Variants in FRMD5 observed in about 807,000 individuals in gnomAD.
FRMD5 encodes FERM domain-containing protein 5.
Under a neutral mutation model 69.0 loss-of-function variants are expected in FRMD5, and 20 were observed. The ratio of observed to expected loss-of-function variants is 0.29; its 90% CI spans 0.20 to 0.42. The LOEUF (loss-of-function observed/expected upper bound fraction) is 0.42, where lower values mean the gene tolerates loss of function less well. FRMD5 is among the 10% of genes least tolerant of loss of function. The pLI is 1.00. For synonymous variants in FRMD5, 271 were observed against 260.1 expected, an observed-to-expected ratio of 1.04 and a Z score of -0.40; for missense variants, 595 against 708.6, an observed-to-expected ratio of 0.84 and a Z score of 1.82.
chr15:44,089,926 T>A (rs1005013014), intron 1 of FRMD5, among the ~76,000 whole-genome samples: 3 of 152,094 alleles, frequency 2.0e-5, no homozygotes, highest in Non-Finnish European at 2.9e-5. Context: ...TGAAACTTTG[T>A]CTTCCACCTC....
At chr15:43,882,973 T>A (rs1392015161) in intron 13 of FRMD5, among the ~76,000 whole-genome samples, 1 of 150,862 alleles carries the variant, frequency 6.6e-6, no homozygotes, top group African/African-American at 2.4e-5. Flanking sequence ...GCCCTGCTAA[T>A]TTTTTGTATT....
chr15:43,915,563 A>G (rs1265226704), intron 4 of FRMD5, among the ~76,000 whole-genome samples: 1 of 152,168 alleles, frequency 6.6e-6, no homozygotes, highest in Non-Finnish European at 1.5e-5. Context: ...CAAAGAGTTC[A>G]TACACCTGCA....
chr15:43,904,618 A>G (rs1284405643), intron 6 of FRMD5, among the ~76,000 whole-genome samples: 1 of 152,078 alleles, frequency 6.6e-6, no homozygotes, highest in Non-Finnish European at 1.5e-5. Context: ...ACCTCAGGTG[A>G]TCTGCCCTCC....
chr15:43,932,312 G>A (rs1400879901), intron 1 of FRMD5, among the ~76,000 whole-genome samples: 3 of 152,186 alleles, frequency 2.0e-5, no homozygotes, highest in Admixed American at 6.5e-5. Flanking sequence ...CCAAGATCTG[G>A]GAGTGGCTAC....
intron 1 of FRMD5, among the ~76,000 whole-genome samples, chr15:44,114,452 CA>C (rs2076841470): frequency 6.6e-6 from 1 of 152,208 alleles, no homozygotes; most frequent in African/African-American, 2.4e-5. Context: ...CCTAAACTGA[CA>C]AGATCTCCAC....
At chr15:44,094,210 A>C (rs903219875) in intron 1 of FRMD5, among the ~76,000 whole-genome samples, 1 of 152,180 alleles carries the variant, frequency 6.6e-6, no homozygotes, top group Non-Finnish European at 1.5e-5. Context: ...TTTTTCTACC[A>C]AGTAGACTGT....
chr15:44,086,708 TTA>T (rs1894210350), intron 1 of FRMD5, among the ~76,000 whole-genome samples: 1 of 152,202 alleles, frequency 6.6e-6, no homozygotes, highest in South Asian at 2.1e-4. Context: ...AAATTTTATA[TTA>T]TGTGTATTTA....
chr15:44,069,184 T>C lies in FRMD5; in HGVS notation c.102+125769A>G, dbSNP rs1893428742. ...AAAAAATAGTGACAACACCAAATGC[T>C]GGCAAGGATGCAAAGAAACTGAATT... On this transcript the variant is annotated intron_variant, in intron 1 of 13. Transcript: ENST00000417257. 2.6e-5 allele frequency among the ~76,000 whole-genome samples: 4 copies of C among 152,308 alleles called. No individual in the cohort carries two copies. In the South Asian group the frequency reaches 8.3e-4, roughly 32 times the overall value.
At chr15:43,913,625 G>A (rs2089329562) in intron 4 of FRMD5, among the ~76,000 whole-genome samples, 1 of 152,230 alleles carries the variant, frequency 6.6e-6, no homozygotes, top group Non-Finnish European at 1.5e-5. Flanking sequence ...CTATCTTGTT[G>A]CCTGAGGCAC....
chr15:44,003,414 C>CA (rs1890300211), intron 1 of FRMD5, among the ~76,000 whole-genome samples: 1 of 152,148 alleles, frequency 6.6e-6, no homozygotes, highest in Non-Finnish European at 1.5e-5. Context: ...CCAATGATCA[C>CA]AAAACACTCA....
chr15:43,884,994 C>G, intron 11 of FRMD5, 199 bp from the exon 12 acceptor site: 1 of 536,780 alleles, frequency 1.9e-6, no homozygotes. Context: ...TCTGAGAGAA[C>G]TCTCTCCATC....
At chr15:43,898,056 G>C (rs2088957372) in intron 7 of FRMD5, among the ~76,000 whole-genome samples, 1 of 152,190 alleles carries the variant, frequency 6.6e-6, no homozygotes, top group Non-Finnish European at 1.5e-5. Context: ...CTCAGTCTCA[G>C]GTAGTTCTTT....
intron 1 of FRMD5, among the ~76,000 whole-genome samples, chr15:44,042,762 C>T (rs966898495): frequency 1.3e-5 from 2 of 152,130 alleles, no homozygotes; most frequent in African/African-American, 2.4e-5. Context: ...AAACTAGCTA[C>T]TGATGGAACG....
At chr15:44,105,970 A>G (rs1486641127) in intron 1 of FRMD5, among the ~76,000 whole-genome samples, 1 of 152,126 alleles carries the variant, frequency 6.6e-6, no homozygotes, top group Non-Finnish European at 1.5e-5. Context: ...ACGTCCTCCT[A>G]TATACTTTAT....
chr15:43,930,315 G>A (rs752370991), intron 1 of FRMD5, among the ~76,000 whole-genome samples: 19 of 152,176 alleles, frequency 1.2e-4, no homozygotes, highest in East Asian at 9.6e-4. Context: ...ATGCAGAGAC[G>A]TCCATCTGCA....
chr15:44,174,096 T>C (rs751020475), intron 1 of FRMD5, among the ~76,000 whole-genome samples: 1 of 152,070 alleles, frequency 6.6e-6, no homozygotes. Context: ...TAAATAAAAT[T>C]TCTACTCAAA....
At chr15:44,155,163 G>A (rs941138401) in intron 1 of FRMD5, among the ~76,000 whole-genome samples, 9 of 152,086 alleles carry the variant, frequency 5.9e-5, no homozygotes, top group African/African-American at 2.2e-4. Context: ...GGCCAGGCAC[G>A]GTGGCTCACA....
intron 1 of FRMD5, among the ~76,000 whole-genome samples, chr15:44,062,706 A>AT (rs1479058805): frequency 1.3e-5 from 2 of 151,478 alleles, no homozygotes; most frequent in African/African-American, 2.4e-5. Context: ...AAAAAAAAAA[A>AT]AGTATATGGG....
chr15:44,135,054 C>T (rs1471818398), intron 1 of FRMD5, among the ~76,000 whole-genome samples: 1 of 152,126 alleles, frequency 6.6e-6, no homozygotes, highest in African/African-American at 2.4e-5. Context: ...TGAAAGGAGA[C>T]GGACCTGCTA....
Sources: gnomAD v4.1 joint callset for allele counts (sites outside exome capture counted in the v4.1 genomes callset) on GRCh38, gnomAD v4.1.1 for gene constraint, MANE v1.5 for transcripts, NCBI Gene and HGNC (gene_info 2026-07-23, HGNC 2026-07-21) for gene names.